SPEF2: variants seen among roughly 807,000 people sequenced by gnomAD.
SPEF2 encodes the protein sperm flagellar and cilia associated 2.
In SPEF2, 187 loss-of-function variants were observed where a neutral mutation model predicts 224.6. The ratio of observed to expected loss-of-function variants is 0.83; its 90% CI spans 0.74 to 0.94. The LOEUF (loss-of-function observed/expected upper bound fraction) is 0.94, where lower values mean the gene tolerates loss of function less well. SPEF2 is among the 40% of genes least tolerant of loss of function. SPEF2 has a pLI of 0.00. For synonymous variants in SPEF2, 715 were observed against 707.3 expected (o/e 1.01, Z -0.17); for missense variants, 2,170 against 2,135.6 (o/e 1.02, Z -0.32).
intron 18 of SPEF2, 138 bp downstream of exon 18, chr5:35,705,946 T>C: frequency 4.1e-6 from 2 of 488,812 alleles, no homozygotes; most frequent in South Asian, 7.4e-5. Context: ...ATATTCTGCC[T>C]CTGGCTTTAG....
At chr5:35,626,991 C>G (rs971352230) in intron 1 of SPEF2, among the ~76,000 whole-genome samples, 3 of 151,986 alleles carry the variant, frequency 2.0e-5, no homozygotes, top group African/African-American at 7.2e-5. Flanking sequence ...ATTAGTCAGA[C>G]AGGTAAAATA....
intron 36 of SPEF2, among the ~76,000 whole-genome samples, chr5:35,808,616 A>G (rs1022863794): frequency 1.3e-5 from 2 of 151,940 alleles, no homozygotes; most frequent in African/African-American, 4.8e-5. Context: ...TCCGTGGTGT[A>G]TATGTGCCAC....
At chr5:35,756,249 T>A (rs1750426410) in intron 24 of SPEF2, among the ~76,000 whole-genome samples, 1 of 152,154 alleles carries the variant, frequency 6.6e-6, no homozygotes, top group African/African-American at 2.4e-5. Flanking sequence ...CCAATTTCGT[T>A]ATCAGACGAA....
intron 33 of SPEF2, among the ~76,000 whole-genome samples, chr5:35,796,804 T>C (rs1405986863): frequency 2.0e-5 from 3 of 152,120 alleles, no homozygotes; most frequent in African/African-American, 4.8e-5. Flanking sequence ...TTTCCTTCAA[T>C]TGGATGCATA....
At chr5:35,736,005 A>G (rs1040129310) in intron 21 of SPEF2, among the ~76,000 whole-genome samples, 3 of 152,232 alleles carry the variant, frequency 2.0e-5, no homozygotes, top group Non-Finnish European at 4.4e-5. Flanking sequence ...TAATTAAAGA[A>G]AAGATGGCAT....
At chr5:35,684,372 C>T (rs1753272660) in intron 10 of SPEF2, among the ~76,000 whole-genome samples, 2 of 152,220 alleles carry the variant, frequency 1.3e-5, no homozygotes, top group Admixed American at 6.5e-5. Flanking sequence ...GTGTGTTCCA[C>T]CAAATCCTTT....
At position 35,784,716 on chromosome 5, in the gene SPEF2, G is replaced by A. The variant is rs147249035; in HGVS notation, c.4447+5370G>A. ...TGAGGGAACTGTGAACAAACAAGAG[G>A]CAGGAGGTGGGACCACAGAGAGCTT... On this transcript the variant is annotated intron_variant, in intron 30 of 36. Coordinates refer to ENST00000356031, the MANE Select transcript of SPEF2 (RefSeq NM_024867.4). Among the ~76,000 whole-genome samples, 95 of 152,266 alleles carry A rather than the reference G, an allele frequency of 6.2e-4. 1 individual carries two copies. In the East Asian group the frequency reaches 0.018, roughly 28 times the overall value.
At chr5:35,668,592 A>G (rs749372300) in intron 9 of SPEF2, among the ~76,000 whole-genome samples, 1 of 152,124 alleles carries the variant, frequency 6.6e-6, no homozygotes, top group Non-Finnish European at 1.5e-5. Flanking sequence ...TGACTGTATC[A>G]ATGTTAATAT....
intron 20 of SPEF2, among the ~76,000 whole-genome samples, chr5:35,727,140 G>T (rs546835810): frequency 6.6e-6 from 1 of 152,076 alleles, no homozygotes; most frequent in South Asian, 2.1e-4. Context: ...CCACAGAAAC[G>T]CTGTGTCATG....
rs1188637810 is a variant in SPEF2, at chr5:35,700,545, T to G, written c.2191T>G (p.Leu731Val). Reference protein sequence around the residue: ...DCILDGFPMTLNQAQLLEEAL... With the variant: ...DCILDGFPMTVNQAQLLEEAL... ...TATCCTAGATGGTTTTCCAATGACT[T>G]TAAACCAAGCACAGCTTCTGGAAGA... Residue 731 changes from leucine (L) to valine (V), a missense_variant, in exon 16 of 37, where the codon TTA becomes GTA. By Grantham distance (32) the Leu-to-Val change is conservative (BLOSUM62 1). Coordinates refer to ENST00000356031, the MANE Select transcript of SPEF2 (RefSeq NM_024867.4). The G allele has an allele frequency of 1.2e-6, 2 of 1,613,600 alleles. No homozygotes were observed. Among genetic ancestry groups the G allele is most frequent in the African/African-American group, 1.3e-5 (1 of 74,900 alleles).
At chr5:35,761,607 A>G (rs1489373226) in intron 25 of SPEF2, among the ~76,000 whole-genome samples, 1 of 152,154 alleles carries the variant, frequency 6.6e-6, no homozygotes, top group Non-Finnish European at 1.5e-5. Context: ...CTAAGAGTAA[A>G]AATGTGTCCC....
At chr5:35,766,064 G>A (rs920383866) in intron 26 of SPEF2, among the ~76,000 whole-genome samples, 2 of 152,066 alleles carry the variant, frequency 1.3e-5, no homozygotes, top group Non-Finnish European at 2.9e-5. Flanking sequence ...CTTTGAATGA[G>A]ATAATGAAAG....
At chr5:35,704,526 A>T (rs756147215) in intron 16 of SPEF2, 28 bp from the exon 17 acceptor site, 4 of 1,520,452 alleles carry the variant, frequency 2.6e-6, no homozygotes, top group Non-Finnish European at 3.6e-6. Flanking sequence ...TTTGAAAATT[A>T]TCTAATTAAA....
intron 23 of SPEF2, 127 bp from the exon 24 acceptor site, chr5:35,753,496 GA>G: frequency 8.4e-7 from 1 of 1,189,838 alleles, no homozygotes; most frequent in South Asian, 1.4e-5. Context: ...TACAATACAG[GA>G]GTGCAATTGG....
chr5:35,708,659 C>CTGTTATTAA (rs1740434303), intron 18 of SPEF2, among the ~76,000 whole-genome samples: 2 of 4,284 alleles, frequency 4.7e-4, no homozygotes, highest in Admixed American at 1.8e-3. Flanking sequence ...TCCACCACCA[C>CTGTTATTAA]TACCACCAGC....
intron 25 of SPEF2, among the ~76,000 whole-genome samples, chr5:35,763,192 A>G (rs1269639666): frequency 2.0e-5 from 3 of 152,026 alleles, no homozygotes; most frequent in Non-Finnish European, 4.4e-5. Context: ...CCTTCATGGG[A>G]AGTGTATGCT....
chr5:35,681,947 A>C (rs1752876765), intron 10 of SPEF2, among the ~76,000 whole-genome samples: 1 of 152,242 alleles, frequency 6.6e-6, no homozygotes, highest in Non-Finnish European at 1.5e-5. Context: ...GAATAGCTAA[A>C]GAAAGGTCCA....
intron 23 of SPEF2, among the ~76,000 whole-genome samples, chr5:35,744,131 T>C (rs1021342410): frequency 1.3e-5 from 2 of 152,236 alleles, no homozygotes; most frequent in Non-Finnish European, 2.9e-5. Flanking sequence ...CACACTGACC[T>C]TTTTGTGTCG....
chr5:35,677,633 A>G (rs1437390787), intron 10 of SPEF2, among the ~76,000 whole-genome samples: 1 of 152,204 alleles, frequency 6.6e-6, no homozygotes, highest in East Asian at 1.9e-4. Context: ...GAATGGAACA[A>G]GGAGTAGGAA....
Sources: allele counts gnomAD v4.1 joint callset (sites outside exome capture counted in the v4.1 genomes callset), GRCh38; gene constraint gnomAD v4.1.1; transcripts MANE v1.5; gene names NCBI Gene and HGNC (gene_info 2026-07-23, HGNC 2026-07-21).